The following CRPPA variants were observed in gnomAD, a reference collection of about 807,000 sequenced individuals.
The protein encoded by CRPPA is CDP-L-ribitol pyrophosphorylase A, also known as D-ribitol-5-phosphate cytidylyltransferase.
In CRPPA, 43 loss-of-function variants were observed where a neutral mutation model predicts 52.0. The ratio of observed to expected loss-of-function variants is 0.83; its 90% CI spans 0.65 to 1.07. The LOEUF (loss-of-function observed/expected upper bound fraction) is 1.07, where lower values mean the gene tolerates loss of function less well. Among genes scored for constraint, CRPPA ranks in the 50% least tolerant of loss-of-function variants. CRPPA has a pLI of 0.00. For missense variants in CRPPA, 629 were observed against 551.7 expected (o/e 1.14, Z -1.40); for synonymous variants, 250 against 203.5 (o/e 1.23, Z -1.94).
intron 3 of CRPPA, among the ~76,000 whole-genome samples, chr7:16,361,951 T>G (rs1583548608): frequency 6.6e-6 from 1 of 152,100 alleles, no homozygotes; most frequent in South Asian, 2.1e-4. Context: ...ACCTCCCGGG[T>G]TCACGCCATT....
intron 2 of CRPPA, among the ~76,000 whole-genome samples, chr7:16,399,788 C>T (rs756076305): frequency 6.6e-6 from 1 of 152,062 alleles, no homozygotes; most frequent in African/African-American, 2.4e-5. Flanking sequence ...ATGCTTGGCA[C>T]GTGACCAACA....
At chr7:16,195,315 C>CT (rs987995253) in intron 9 of CRPPA, among the ~76,000 whole-genome samples, 5 of 151,992 alleles carry the variant, frequency 3.3e-5, no homozygotes, top group South Asian at 2.1e-4. Flanking sequence ...GAGATTTTGC[C>CT]TTTTTTTAAA....
intron 3 of CRPPA, among the ~76,000 whole-genome samples, chr7:16,341,411 T>TA (rs35937067): frequency 1.2e-4 from 19 of 152,166 alleles, no homozygotes; most frequent in Admixed American, 7.8e-4. Context: ...AAAATTGCTC[T>TA]AAAAAAAGTC....
At chr7:16,380,556 G>A (rs913819655) in intron 2 of CRPPA, among the ~76,000 whole-genome samples, 3 of 152,174 alleles carry the variant, frequency 2.0e-5, no homozygotes, top group Admixed American at 6.5e-5. Context: ...AGTAGTTTCA[G>A]AAGGAATGGT....
intron 8 of CRPPA, chr7:16,248,091 A>C (rs1783329786): frequency 6.6e-6 from 1 of 152,232 alleles, no homozygotes; most frequent in Non-Finnish European, 1.5e-5. Flanking sequence ...CCGTAATCCC[A>C]GCACTTTGGA....
At chr7:16,376,540 G>A (rs1786893233) in intron 2 of CRPPA, among the ~76,000 whole-genome samples, 1 of 152,020 alleles carries the variant, frequency 6.6e-6, no homozygotes, top group African/African-American at 2.4e-5. Flanking sequence ...ATCCAATTGG[G>A]TGTTCCCTAA....
intron 9 of CRPPA, among the ~76,000 whole-genome samples, chr7:16,138,621 G>T (rs755954975): frequency 2.0e-5 from 3 of 152,020 alleles, no homozygotes; most frequent in Non-Finnish European, 2.9e-5. Flanking sequence ...GTAATTTGAT[G>T]GCTTTGATAT....
chr7:16,226,947 C>G (rs1782667601), intron 8 of CRPPA, among the ~76,000 whole-genome samples: 2 of 151,788 alleles, frequency 1.3e-5, no homozygotes. Flanking sequence ...TATCTGCTGC[C>G]ATAGTATCAA....
intron 1 of CRPPA, among the ~76,000 whole-genome samples, chr7:16,414,188 C>T (rs1313309674): frequency 6.6e-6 from 1 of 152,150 alleles, no homozygotes. Flanking sequence ...AAAGCCCTGC[C>T]AGACCTTGTT....
chr7:16,139,012 G>T (rs1782814836), intron 9 of CRPPA, among the ~76,000 whole-genome samples: 1 of 152,074 alleles, frequency 6.6e-6, no homozygotes, highest in Non-Finnish European at 1.5e-5. Flanking sequence ...ATGTTGGTCA[G>T]GTTGGTCTCA....
chr7:16,365,374 T>C (rs1786564702), intron 3 of CRPPA, among the ~76,000 whole-genome samples: 1 of 152,204 alleles, frequency 6.6e-6, no homozygotes, highest in Non-Finnish European at 1.5e-5. Flanking sequence ...TGTGAAATAA[T>C]GGCCAGATTT....
At chr7:16,111,829 A>G (rs997933271) in intron 9 of CRPPA, among the ~76,000 whole-genome samples, 16 of 152,098 alleles carry the variant, frequency 1.1e-4, no homozygotes, top group African/African-American at 1.2e-4. Context: ...TTTCCTTTTT[A>G]TTTTTTAGTT....
At chr7:16,215,344 C>A (rs905836277) in intron 9 of CRPPA, among the ~76,000 whole-genome samples, 2 of 152,314 alleles carry the variant, frequency 1.3e-5, no homozygotes, top group Admixed American at 1.3e-4. Flanking sequence ...GCACAAAGGA[C>A]AAATCCACAG....
At chr7:16,136,975 C>G (rs1782775149) in intron 9 of CRPPA, among the ~76,000 whole-genome samples, 1 of 152,198 alleles carries the variant, frequency 6.6e-6, no homozygotes, top group Non-Finnish European at 1.5e-5. Context: ...ACAACAAAAT[C>G]AAGGTCATAT....
chr7:16,383,413 C>T (rs1301530188), intron 2 of CRPPA, among the ~76,000 whole-genome samples: 3 of 152,154 alleles, frequency 2.0e-5, no homozygotes, highest in Non-Finnish European at 4.4e-5. Context: ...CTGGGGGGTG[C>T]CTCCCAGTTA....
chr7:16,418,580 T>C (rs1788249799), intron 1 of CRPPA, among the ~76,000 whole-genome samples: 1 of 152,118 alleles, frequency 6.6e-6, no homozygotes, highest in Non-Finnish European at 1.5e-5. Flanking sequence ...AGGTGCCTTC[T>C]TCACAAGGCA....
chr7:16,399,968 T>C (rs1007153327), intron 2 of CRPPA, among the ~76,000 whole-genome samples: 5 of 152,004 alleles, frequency 3.3e-5, no homozygotes, highest in African/African-American at 1.2e-4. Context: ...GGCTTACATG[T>C]GACACGATTG....
intron 9 of CRPPA, among the ~76,000 whole-genome samples, chr7:16,138,883 CATCT>C (rs1782811966): frequency 6.6e-6 from 1 of 152,158 alleles, no homozygotes; most frequent in South Asian, 2.1e-4. Flanking sequence ...CTCACTGCAA[CATCT>C]GCCTCCCAGG....
chr7:16,347,329 A>C (rs182655168), intron 3 of CRPPA, among the ~76,000 whole-genome samples: 1 of 152,124 alleles, frequency 6.6e-6, no homozygotes, highest in Non-Finnish European at 1.5e-5. Context: ...TTATCAAAAC[A>C]TTAGTATCAG....
Sources: gnomAD v4.1 joint callset for allele counts (sites outside exome capture counted in the v4.1 genomes callset) on GRCh38, gnomAD v4.1.1 for gene constraint, MANE v1.5 for transcripts, NCBI Gene and HGNC (gene_info 2026-07-23, HGNC 2026-07-21) for gene names.